AGBL4: variants seen among roughly 807,000 people sequenced by gnomAD.
AGBL4 encodes the protein AGBL carboxypeptidase 4, also known as cytosolic carboxypeptidase 6.
In AGBL4, 58 loss-of-function variants were observed where a neutral mutation model predicts 66.4. The observed-to-expected ratio is 0.87, with a 90% confidence interval of 0.71 to 1.09. The LOEUF is 1.09. Ranked by LOEUF, AGBL4 falls within the 50% of genes least tolerant of loss-of-function variation. The pLI is 0.00. For synonymous variants in AGBL4, 234 were observed against 222.9 expected, an observed-to-expected ratio of 1.05 and a Z score of -0.44; for missense variants, 579 against 631.0, an observed-to-expected ratio of 0.92 and a Z score of 0.88.
chr1:48,827,097 G>A (rs1646443174), intron 6 of AGBL4, among the ~76,000 whole-genome samples: 1 of 152,060 alleles, frequency 6.6e-6, no homozygotes, highest in African/African-American at 2.4e-5. Context: ...AATTACCCCT[G>A]ATTTCTTAAA....
intron 1 of AGBL4, among the ~76,000 whole-genome samples, chr1:49,906,407 T>C (rs1650280585): frequency 6.6e-6 from 1 of 152,044 alleles, no homozygotes. Flanking sequence ...CTAAGGACCA[T>C]CACCGGAATA....
chr1:49,891,024 A>G (rs752188242), intron 1 of AGBL4, among the ~76,000 whole-genome samples: 1 of 152,210 alleles, frequency 6.6e-6, no homozygotes, highest in Non-Finnish European at 1.5e-5. Flanking sequence ...ACTACTTTAG[A>G]TAAGATGGTA....
chr1:49,436,601 T>G (rs561069434), intron 3 of AGBL4, among the ~76,000 whole-genome samples: 1 of 152,194 alleles, frequency 6.6e-6, no homozygotes, highest in African/African-American at 2.4e-5. Context: ...GAAAGAAAGA[T>G]TGGGAATGCA....
intron 5 of AGBL4, among the ~76,000 whole-genome samples, chr1:48,982,924 GT>G (rs749317998): frequency 4.6e-5 from 7 of 152,070 alleles, no homozygotes; most frequent in Non-Finnish European, 1.0e-4. Flanking sequence ...TCTCATTGTG[GT>G]TTTGATTTGC....
At chr1:48,530,780 C>G (rs112675084), downstream of AGBL4, among the ~76,000 whole-genome samples, 856 of 152,298 alleles carry the variant, frequency 5.6e-3, 7 homozygotes, top group African/African-American at 0.019. Flanking sequence ...GTCATGATCC[C>G]TCTCCTTCTC....
chr1:48,793,473 CT>C (rs2148732855), intron 6 of AGBL4, among the ~76,000 whole-genome samples: 1 of 152,330 alleles, frequency 6.6e-6, no homozygotes, highest in African/African-American at 2.4e-5. Context: ...TCTCTTCTCT[CT>C]AAGTCCAGCC....
At chr1:49,331,607 G>T (rs1286540555) in intron 3 of AGBL4, among the ~76,000 whole-genome samples, 2 of 152,118 alleles carry the variant, frequency 1.3e-5, no homozygotes. Context: ...CTCCCAGCCT[G>T]GCCTCCAGCC....
chr1:48,645,568 A>T (rs1052403685), intron 8 of AGBL4, among the ~76,000 whole-genome samples: 1 of 151,968 alleles, frequency 6.6e-6, no homozygotes, highest in African/African-American at 2.4e-5. Context: ...GCTTCTGATG[A>T]CCCCTTTCTA....
At chr1:48,869,873 C>G (rs1045533313) in intron 5 of AGBL4, among the ~76,000 whole-genome samples, 1 of 152,068 alleles carries the variant, frequency 6.6e-6, no homozygotes, top group African/African-American at 2.4e-5. Flanking sequence ...AGATGAGGAG[C>G]ATCTTAAGGG....
intron 4 of AGBL4, among the ~76,000 whole-genome samples, chr1:49,206,345 AC>A (rs1451177563): frequency 1.3e-5 from 2 of 152,018 alleles, no homozygotes; most frequent in African/African-American, 2.4e-5. Flanking sequence ...CAAAAAATAA[AC>A]CCTCTAACTA....
At chr1:49,543,141 C>T (rs946166668) in intron 3 of AGBL4, among the ~76,000 whole-genome samples, 2 of 151,930 alleles carry the variant, frequency 1.3e-5, no homozygotes, top group South Asian at 4.2e-4. Context: ...CAGTTCTGTC[C>T]CTCTCTAGTC....
intron 9 of AGBL4, 58 bp from the exon 10 acceptor site, chr1:48,591,043 GACCAGACACTAC>G (rs1286222383): frequency 6.7e-7 from 1 of 1,483,192 alleles, no homozygotes; most frequent in Admixed American, 2.0e-5. Flanking sequence ...GTGTATAAGG[GACCAGACACTAC>G]ACTACACACA....
At chr1:48,904,115 A>C (rs3121531) in intron 5 of AGBL4, among the ~76,000 whole-genome samples, 128,519 of 151,966 alleles carry the variant, frequency 0.85, 56,044 homozygotes, top group Non-Finnish European at 0.96. Context: ...CCCATCTCTA[A>C]TAAATATACA....
intron 4 of AGBL4, among the ~76,000 whole-genome samples, chr1:49,175,553 CATT>C (rs1442970895): frequency 2.6e-5 from 4 of 152,038 alleles, no homozygotes. Flanking sequence ...TTGAATGTGA[CATT>C]ATCAAATGAC....
chr1:48,686,213 C>T (rs528247478), intron 6 of AGBL4, among the ~76,000 whole-genome samples: 20 of 152,310 alleles, frequency 1.3e-4, no homozygotes, highest in African/African-American at 4.8e-4. Flanking sequence ...AAGACTTACC[C>T]ACAGTCTCCT....
chr1:49,905,599 T>A (rs1650195003), intron 1 of AGBL4, among the ~76,000 whole-genome samples: 2 of 152,316 alleles, frequency 1.3e-5, no homozygotes, highest in Middle Eastern at 6.8e-3. Context: ...GAAAGGATTA[T>A]GAACCATTCC....
chr1:49,745,838 A>T (rs944611110), intron 2 of AGBL4, among the ~76,000 whole-genome samples: 1 of 151,974 alleles, frequency 6.6e-6, no homozygotes, highest in African/African-American at 2.4e-5. Context: ...AAAAAAAATC[A>T]AAAGAAAAAT....
chr1:49,096,089 T>G (rs1266019575), intron 4 of AGBL4, among the ~76,000 whole-genome samples: 3 of 151,496 alleles, frequency 2.0e-5, no homozygotes, highest in Non-Finnish European at 4.4e-5. Flanking sequence ...CATGAAAAAA[T>G]GCTCATCATC....
chr1:49,701,813 C>A (rs2124629166), intron 2 of AGBL4, among the ~76,000 whole-genome samples: 1 of 152,132 alleles, frequency 6.6e-6, no homozygotes, highest in Admixed American at 6.6e-5. Flanking sequence ...CTATAACCAA[C>A]TGTACGTCAA....
Sources: gnomAD v4.1 joint callset for allele counts (sites outside exome capture counted in the v4.1 genomes callset) on GRCh38, gnomAD v4.1.1 for gene constraint, MANE v1.5 for transcripts, NCBI Gene and HGNC (gene_info 2026-07-23, HGNC 2026-07-21) for gene names.